ERCC5: variants seen among roughly 807,000 people sequenced by gnomAD.
ERCC5 encodes the protein DNA excision repair protein ERCC-5.
Under a neutral mutation model 105.6 loss-of-function variants are expected in ERCC5, and 68 were observed. The observed-to-expected ratio is 0.64, with a 90% CI of 0.53 to 0.79. The LOEUF (loss-of-function observed/expected upper bound fraction) is 0.79. Ranked by LOEUF, ERCC5 falls within the 30% of genes least tolerant of loss-of-function variation. ERCC5 has a pLI of 0.00. For missense variants in ERCC5, 1,373 were observed against 1,426.7 expected (o/e 0.96, Z 0.61); for synonymous variants, 546 against 526.2 (o/e 1.04, Z -0.51).
At chr13:102,864,232 A>C (rs1413378252) in intron 8 of ERCC5, among the ~76,000 whole-genome samples, 1 of 151,174 alleles carries the variant, frequency 6.6e-6, no homozygotes, top group Non-Finnish European at 1.5e-5. Flanking sequence ...GTAATTAATA[A>C]GTATTTTGTG....
intron 12 of ERCC5, among the ~76,000 whole-genome samples, chr13:102,868,676 T>C (rs937921875): frequency 6.6e-5 from 10 of 152,204 alleles, no homozygotes; most frequent in Non-Finnish European, 1.0e-4. Flanking sequence ...GTCTGTGTGT[T>C]TGGTGTCCTG....
In ERCC5 at chr13:102,846,304, C is replaced by T. The variant is rs749851993; in HGVS notation, c.38C>T (p.Ser13Phe). The change falls in exon 1 of 15, where the codon TCC becomes TTC. Residue 13 changes from serine to phenylalanine, a missense_variant. Physicochemically the swap from Ser to Phe is radical, Grantham distance 155 (BLOSUM62 -2). This residue lies in a region of ERCC5 where 1,004 missense variants were observed against 1,059.7 expected (regional missense o/e 0.95). Transcript: ENST00000652225. Reference sequence around the variant, plus strand: ...GGGCTCTGGAAGCTGCTGGAGTGCTCCGGGCGGCAGGTCAGCCCCGAAGCG... The same window carrying T: ...GGGCTCTGGAAGCTGCTGGAGTGCTTCGGGCGGCAGGTCAGCCCCGAAGCG... Reference protein sequence around the residue: ...VQGLWKLLECSGRQVSPEALE... With the variant: ...VQGLWKLLECFGRQVSPEALE... 8 of 1,613,982 alleles carry T rather than the reference C, an allele frequency of 5.0e-6. No homozygotes were observed. Among genetic ancestry groups the T allele is most frequent in the Non-Finnish European group, 5.9e-6 (7 of 1,179,988 alleles).
Position 102,873,306 on chromosome 13 carries a change from C to T in ERCC5, c.2927C>T (p.Ser976Phe), listed in dbSNP as rs1248388142. The T allele has an allele frequency of 5.0e-6, 8 of 1,613,982 alleles. No homozygotes were observed. In the African/African-American group the frequency reaches 9.3e-5, roughly 19 times the overall value. The change falls in exon 14 of 15, where the codon TCT becomes TTT. Residue 976 changes from serine to phenylalanine, a missense_variant. By Grantham distance (155) the Ser-to-Phe change is radical. Transcript: ENST00000652225. ...TGGAACAGAACGAAGACAGATGAAT[C>T]TCTGTTTCCTGTATTAAAGCAACTC... ...FGWNRTKTDE[S>F]LFPVLKQLDA...
Position 102,846,284 on chromosome 13 carries a change from C to G in ERCC5, c.18C>G (p.Leu6=). The change falls in exon 1 of 15, where the codon CTC becomes CTG. Residue 6 remains leucine, a synonymous_variant. Coordinates refer to ENST00000652225, the MANE Select transcript of ERCC5 (RefSeq NM_000123.4). The stretch of plus-strand genomic sequence containing the variant: ...GCCGCCTCATGGGGGTCCAGGGGCT[C>G]TGGAAGCTGCTGGAGTGCTCCGGGC... The part of the protein sequence containing the change: MGVQG[L]WKLLECSGRQ... The G allele has an allele frequency of 6.2e-7, 1 of 1,613,766 alleles. No individual in the cohort carries two copies. Among genetic ancestry groups the G allele is most frequent in the Non-Finnish European group, 8.5e-7 (1 of 1,179,916 alleles).
In ERCC5 at chr13:102,846,356, T is replaced by G. The variant is rs1595373125; in HGVS notation, c.88+2T>G. The G allele has an allele frequency of 6.2e-7, 1 of 1,613,652 alleles. No homozygotes were observed. Among genetic ancestry groups the G allele is most frequent in the Non-Finnish European group, 8.5e-7 (1 of 1,179,620 alleles). ...TGGAAGGGAAGATCCTGGCTGTTGGTATCCTTAACGCCGCGTTGGGACTTG... is the reference window on the plus strand; with the variant it reads ...TGGAAGGGAAGATCCTGGCTGTTGGGATCCTTAACGCCGCGTTGGGACTTG... On this transcript the variant is annotated splice_donor_variant, in intron 1 of 14. Transcript: ENST00000652225. LOFTEE classifies it high-confidence loss of function.
Position 102,875,625 on chromosome 13 carries a change from G to A in ERCC5, c.3283G>A (p.Glu1095Lys). The change falls in exon 15 of 15, where the codon GAA (glutamate) becomes AAA (lysine). Residue 1095 changes from glutamate (E) to lysine (K), a missense_variant. Physicochemically the swap from Glu to Lys is moderately conservative, Grantham distance 56. Around this residue, in one of 3 missense-constraint regions of ERCC5, gnomAD observed 367 missense variants for 350.2 expected, o/e 1.05. Coordinates refer to ENST00000652225, the MANE Select transcript of ERCC5 (RefSeq NM_000123.4). ...GGFLGETCLS[E>K]SSDGSSSEDA... Reference sequence around the variant, plus strand: ...ATTTTTGGGGGAGACCTGCCTCTCAGAATCATCTGATGGATCTTCAAGTGA... The same window carrying A: ...ATTTTTGGGGGAGACCTGCCTCTCAAAATCATCTGATGGATCTTCAAGTGA... 1 of 1,613,982 alleles carries A rather than the reference G, an allele frequency of 6.2e-7. No homozygotes were observed. The highest frequency in any genetic ancestry group is 2.2e-5 in the East Asian group (1 of 44,880).
At chr13:102,856,478 C>T (rs540577430) in intron 5 of ERCC5, among the ~76,000 whole-genome samples, 2 of 152,122 alleles carry the variant, frequency 1.3e-5, no homozygotes, top group South Asian at 4.1e-4. Flanking sequence ...TTTGCCTGCC[C>T]CATATAGTTG....
rs753810756 is a variant in ERCC5 at position 102,866,365 on chromosome 13, T to A, written c.2303T>A (p.Met768Lys). 6.2e-7 allele frequency: 1 copy of A among 1,614,162 alleles called. No homozygotes were observed. Among genetic ancestry groups the A allele is most frequent in the South Asian group, 1.1e-5 (1 of 91,084 alleles). Residue 768 changes from methionine (M) to lysine (K), a missense_variant, in exon 10 of 15, where the codon ATG becomes AAG. Coordinates refer to ENST00000652225, the MANE Select transcript of ERCC5 (RefSeq NM_000123.4). ...ERIAATVTGQ[M>K]FLESQELLRL... ...ATCGCTGCTACTGTCACCGGACAGA[T>A]GTTCCTGGAAAGCCAGGTGGGTGCA...
chr13:102,875,883 G>A lies in ERCC5; in HGVS notation c.3541G>A (p.Gly1181Arg), dbSNP rs764867770. The A allele has an allele frequency of 3.1e-6, 5 of 1,607,978 alleles. No homozygotes were observed. The highest frequency in any genetic ancestry group is 4.2e-6 in the Non-Finnish European group (5 of 1,179,898). ...AAGAAGGAAACTAAGACGTGCGAGGGGAAGAAAAAGGAAAACCTAATTAAA... is the reference window on the plus strand; with the variant it reads ...AAGAAGGAAACTAAGACGTGCGAGGAGAAGAAAAAGGAAAACCTAATTAAA... ...KKRRKLRRAR[G>R]RKRKT is the part of the protein sequence containing the mutation. Residue 1181 changes from glycine (G) to arginine (R), a missense_variant, in exon 15 of 15, where the codon GGA becomes AGA. Gly to Arg is a moderately radical substitution (Grantham distance 125). Coordinates refer to ENST00000652225, the MANE Select transcript of ERCC5 (RefSeq NM_000123.4).
chr13:102,874,720 T>A (rs979375663), intron 14 of ERCC5: 2 of 152,596 alleles, frequency 1.3e-5, no homozygotes, highest in Non-Finnish European at 2.9e-5. Flanking sequence ...AGACGGGGTT[T>A]CACCGTGTAA....
Position 102,866,836 on chromosome 13 carries a change from A to G in ERCC5, c.2524A>G (p.Asn842Asp). ...VEYYQYVDFHNQLGLDRNKLI... is the reference protein window; with the variant it reads ...VEYYQYVDFHDQLGLDRNKLI... ...ATATTATCAATATGTGGACTTTCAC[A>G]ATCAATTGGGTAAGACTTCAGAGTC... Residue 842 changes from asparagine (N) to aspartate (D), a missense_variant, in exon 11 of 15, where the codon AAT becomes GAT. Asn to Asp is a conservative substitution (Grantham distance 23). Transcript: ENST00000652225. 1.2e-6 allele frequency: 2 copies of G among 1,609,838 alleles called. No individual in the cohort carries two copies. The highest frequency in any genetic ancestry group is 1.7e-6 in the Non-Finnish European group (2 of 1,177,348).
chr13:102,861,714 G>C lies in ERCC5; in HGVS notation c.880G>C (p.Gly294Arg). ...EDTSHYILIK[G>R]IQAKTVAEVD... ...CACTTCACATTACATCTTGATAAAA[G>C]GTATCAGGCACCATCATTTATATAT... The change falls in exon 7 of 15, where the codon GGT (glycine) becomes CGT (arginine). Residue 294 changes from glycine (G) to arginine (R), a missense_variant and splice_region_variant. Coordinates refer to ENST00000652225, the MANE Select transcript of ERCC5 (RefSeq NM_000123.4). 1 of 1,613,872 alleles carries C rather than the reference G, an allele frequency of 6.2e-7. No individual in the cohort carries two copies.
chr13:102,863,726 C>T (rs1442014631), intron 8 of ERCC5, among the ~76,000 whole-genome samples: 5 of 152,104 alleles, frequency 3.3e-5, no homozygotes, highest in Non-Finnish European at 7.4e-5. Context: ...TGAGGTTAAG[C>T]AAGGTGACAC....
rs200645098 is a variant in ERCC5 at position 102,856,019 on chromosome 13, C to G, written c.468-33C>G. The G allele has an allele frequency of 3.1e-6, 5 of 1,609,556 alleles. No homozygotes were observed. The East Asian group carries it at 1.1e-4, about 36-fold the overall frequency. ...ATTTTTGTAAGGGGTCCTTAAAAAT[C>G]ATAGATATCGTAAAAGTATGTTTGA... On this transcript the variant is annotated intron_variant, in intron 4 of 14. Transcript: ENST00000652225.
Position 102,868,079 on chromosome 13 carries a change from T to C in ERCC5, c.2534-34T>C. 2 of 1,595,674 alleles carry C rather than the reference T, an allele frequency of 1.3e-6. 1 individual carries two copies. Among genetic ancestry groups the C allele is most frequent in the South Asian group, 2.3e-5 (2 of 88,882 alleles). On this transcript the variant is annotated intron_variant, in intron 11 of 14. Coordinates refer to ENST00000652225, the MANE Select transcript of ERCC5 (RefSeq NM_000123.4). ...GTTTATAAATGTCATATAAGAAATC[T>C]TGATAAAAATTAAAAAATATTGTTA...
At chr13:102,871,320 C>A (rs1299207484) in intron 12 of ERCC5, among the ~76,000 whole-genome samples, 1 of 152,180 alleles carries the variant, frequency 6.6e-6, no homozygotes, top group African/African-American at 2.4e-5. Context: ...GCCACAGGGA[C>A]CCCCTTCGTG....
intron 1 of ERCC5, among the ~76,000 whole-genome samples, chr13:102,850,942 C>G (rs1882178062): frequency 2.0e-5 from 3 of 152,110 alleles, no homozygotes; most frequent in Admixed American, 2.0e-4. Flanking sequence ...GGCAAAGAGT[C>G]TGAGAGCAGG....
In ERCC5 at chr13:102,870,319, T is replaced by C. The variant is rs541155362; in HGVS notation, c.2679-1879T>C. 1.4e-4 allele frequency among the ~76,000 whole-genome samples: 21 copies of C among 152,264 alleles called. No homozygotes were observed. In the South Asian group the frequency reaches 4.1e-3, roughly 30 times the overall value. On this transcript the variant is annotated intron_variant, in intron 12 of 14. Transcript: ENST00000652225. ...TTGGGGGAAAAAGGAGAGCTGAAAA[T>C]ACTGGGCCTGAATTTCTGGATAGCC...
intron 1 of ERCC5, among the ~76,000 whole-genome samples, chr13:102,851,000 AT>A (rs1882180537): frequency 1.3e-5 from 2 of 152,204 alleles, no homozygotes; most frequent in Non-Finnish European, 2.9e-5. Context: ...CAAATATAAC[AT>A]TTTTTGAGAA....
Sources: allele counts gnomAD v4.1 joint callset (sites outside exome capture counted in the v4.1 genomes callset), GRCh38; gene constraint gnomAD v4.1.1; regional missense constraint gnomAD v4.1.1; transcripts MANE v1.5; gene names NCBI Gene and HGNC (gene_info 2026-07-23, HGNC 2026-07-21).